Variants in ASCC3 observed in about 807,000 individuals in gnomAD.
ASCC3 encodes the protein activating signal cointegrator 1 complex subunit 3, also known as ASC-1 complex subunit P200.
ASCC3 carries 158 observed loss-of-function variants against 256.3 expected under a neutral mutation model. The ratio of observed to expected loss-of-function variants is 0.62; its 90% CI spans 0.54 to 0.70. The LOEUF is 0.70. ASCC3 is among the 30% of genes least tolerant of loss of function. The probability of loss-of-function intolerance (pLI) is 0.00; values close to 1 mark genes in which losing one functional copy is unlikely to be tolerated. For synonymous variants in ASCC3, 948 were observed against 883.4 expected (o/e 1.07, Z -1.30); for missense variants, 2,259 against 2,626.0 (o/e 0.86, Z 3.05).
intron 34 of ASCC3, among the ~76,000 whole-genome samples, chr6:100,593,318 G>A (rs1236615912): frequency 6.6e-6 from 1 of 151,718 alleles, no homozygotes; most frequent in African/African-American, 2.4e-5. Flanking sequence ...CAGTCCATTG[G>A]GAAAAAGTCA....
chr6:100,761,271 A>G lies in ASCC3; in HGVS notation c.1737+5294T>C, dbSNP rs376720912. Reference sequence around the variant, plus strand: ...TTTAGGAGGCCGAGGCAAGAGGACTACTTGAGCCAGGAGTTTGGGAATAGC... The same window carrying G: ...TTTAGGAGGCCGAGGCAAGAGGACTGCTTGAGCCAGGAGTTTGGGAATAGC... On this transcript the variant is annotated intron_variant, in intron 10 of 41. Coordinates refer to ENST00000369162, the MANE Select transcript of ASCC3 (RefSeq NM_006828.4). Among the ~76,000 whole-genome samples, 16 of 152,268 alleles carry G rather than the reference A, an allele frequency of 1.1e-4. No individual in the cohort carries two copies. In the South Asian group the frequency reaches 3.3e-3, roughly 32 times the overall value.
At chr6:100,616,460 T>G in intron 30 of ASCC3, among the ~76,000 whole-genome samples, 1 of 152,210 alleles carries the variant, frequency 6.6e-6, no homozygotes, top group East Asian at 1.9e-4. Context: ...CAAAAAATAA[T>G]GTTCTGTATA....
chr6:100,719,202 AC>A (rs1221977740), intron 11 of ASCC3, among the ~76,000 whole-genome samples: 1 of 152,118 alleles, frequency 6.6e-6, no homozygotes, highest in Non-Finnish European at 1.5e-5. Context: ...AAATTAAAGT[AC>A]CAATACATAT....
intron 30 of ASCC3, among the ~76,000 whole-genome samples, chr6:100,608,019 T>C (rs1772993479): frequency 2.1e-5 from 3 of 140,832 alleles, no homozygotes. Flanking sequence ...GCTAGAAATA[T>C]GTATATATAT....
intron 34 of ASCC3, 63 bp downstream of exon 34, chr6:100,601,747 T>C: frequency 6.3e-7 from 1 of 1,583,724 alleles, no homozygotes; most frequent in South Asian, 1.1e-5. Flanking sequence ...TGGAGTTTAT[T>C]ACTTTCAAAT....
chr6:100,656,936 GA>G (rs1353639037), intron 16 of ASCC3, among the ~76,000 whole-genome samples: 2 of 149,104 alleles, frequency 1.3e-5, no homozygotes, highest in African/African-American at 2.4e-5. Context: ...AATTTTAGGA[GA>G]AAAAAAAGGA....
chr6:100,577,811 T>A (rs1285625881), intron 36 of ASCC3, among the ~76,000 whole-genome samples: 3 of 151,998 alleles, frequency 2.0e-5, no homozygotes, highest in African/African-American at 7.2e-5. Context: ...TTCTTCTGTA[T>A]CTTGCCCTTA....
At chr6:100,657,859 T>C (rs1207302554) in intron 16 of ASCC3, among the ~76,000 whole-genome samples, 1 of 151,514 alleles carries the variant, frequency 6.6e-6, no homozygotes, top group Non-Finnish European at 1.5e-5. Context: ...GAGTAATATT[T>C]GAATGCCACC....
chr6:100,747,754 T>G (rs1205467232), intron 10 of ASCC3, among the ~76,000 whole-genome samples: 7 of 152,060 alleles, frequency 4.6e-5, no homozygotes, highest in African/African-American at 1.4e-4. Flanking sequence ...GATGAATTAT[T>G]TTGATTGTGA....
intron 30 of ASCC3, among the ~76,000 whole-genome samples, chr6:100,617,078 C>T (rs1773702124): frequency 6.6e-6 from 1 of 152,088 alleles, no homozygotes; most frequent in African/African-American, 2.4e-5. Flanking sequence ...GATCTTGGCT[C>T]ACTGCAATCT....
chr6:100,696,955 CAAAT>C (rs1402393608), intron 13 of ASCC3, among the ~76,000 whole-genome samples: 1 of 151,978 alleles, frequency 6.6e-6, no homozygotes, highest in East Asian at 1.9e-4. Flanking sequence ...TGAAATCACA[CAAAT>C]AAATTGCCAA....
chr6:100,701,649 T>A (rs1190160063), intron 13 of ASCC3, among the ~76,000 whole-genome samples: 11 of 152,006 alleles, frequency 7.2e-5, no homozygotes, highest in Non-Finnish European at 8.8e-5. Flanking sequence ...TATGATCCTA[T>A]AATAAAGGGT....
intron 4 of ASCC3, among the ~76,000 whole-genome samples, chr6:100,830,051 C>A (rs1265941992): frequency 6.6e-6 from 1 of 151,938 alleles, no homozygotes; most frequent in Non-Finnish European, 1.5e-5. Context: ...CAAGACTACC[C>A]ACAACGGCAT....
chr6:100,853,626 A>T (rs1044781860), intron 3 of ASCC3, among the ~76,000 whole-genome samples: 1 of 152,014 alleles, frequency 6.6e-6, no homozygotes, highest in Non-Finnish European at 1.5e-5. Context: ...CACTATGCCT[A>T]GCTAATTTTT....
intron 36 of ASCC3, among the ~76,000 whole-genome samples, chr6:100,580,500 A>G (rs1771161733): frequency 6.6e-6 from 1 of 151,880 alleles, no homozygotes; most frequent in African/African-American, 2.4e-5. Flanking sequence ...CCAATTTATG[A>G]TTACCTTCTA....
At chr6:100,853,469 T>G (rs1772790633) in intron 3 of ASCC3, among the ~76,000 whole-genome samples, 1 of 147,018 alleles carries the variant, frequency 6.8e-6, no homozygotes, top group Non-Finnish European at 1.5e-5. Context: ...TCACCCAGGT[T>G]GGAGTGCAGT....
intron 13 of ASCC3, among the ~76,000 whole-genome samples, chr6:100,699,510 G>A (rs935186373): frequency 1.3e-5 from 2 of 151,936 alleles, no homozygotes; most frequent in African/African-American, 4.8e-5. Flanking sequence ...GTGTGAAAAT[G>A]GACTAATACA....
intron 13 of ASCC3, among the ~76,000 whole-genome samples, chr6:100,706,656 A>T (rs1778600041): frequency 6.6e-6 from 1 of 152,040 alleles, no homozygotes; most frequent in African/African-American, 2.4e-5. Context: ...GATATAATAC[A>T]AAGGCATTCA....
At chr6:100,736,534 A>C (rs570779280) in intron 10 of ASCC3, among the ~76,000 whole-genome samples, 1 of 152,194 alleles carries the variant, frequency 6.6e-6, no homozygotes, top group East Asian at 1.9e-4. Flanking sequence ...AGACATTGTC[A>C]CATAATAGGA....
Sources: gnomAD v4.1 joint callset for allele counts (sites outside exome capture counted in the v4.1 genomes callset) on GRCh38, gnomAD v4.1.1 for gene constraint, MANE v1.5 for transcripts, NCBI Gene and HGNC (gene_info 2026-07-23, HGNC 2026-07-21) for gene names.